TCF20: variants seen among roughly 807,000 people sequenced by gnomAD.
TCF20 encodes SPRE-binding protein.
In TCF20, 3 loss-of-function variants were observed where a neutral mutation model predicts 148.6. The observed-to-expected ratio is 0.02, with a 90% CI of 0.01 to 0.05. The LOEUF (loss-of-function observed/expected upper bound fraction) is 0.05. TCF20 is among the 10% of genes least tolerant of loss of function. TCF20 has a pLI of 1.00. For missense variants in TCF20, 2,350 were observed against 2,429.3 expected, an observed-to-expected ratio of 0.97 and a Z score of 0.69; for synonymous variants, 1,049 against 909.5, an observed-to-expected ratio of 1.15 and a Z score of -2.76.
intron 1 of TCF20, among the ~76,000 whole-genome samples, chr22:42,256,198 G>T (rs963702776): frequency 1.3e-5 from 2 of 152,108 alleles, no homozygotes; most frequent in Non-Finnish European, 2.9e-5. Flanking sequence ...CACTATTACA[G>T]CCTTATCAAT....
chr22:42,329,541 A>G (rs1470426205), intron 1 of TCF20, among the ~76,000 whole-genome samples: 1 of 152,240 alleles, frequency 6.6e-6, no homozygotes, highest in Non-Finnish European at 1.5e-5. Context: ...GGCTTTGTGC[A>G]GTGGTAACAG....
chr22:42,324,584 A>G (rs968576739), intron 1 of TCF20, among the ~76,000 whole-genome samples: 1 of 152,212 alleles, frequency 6.6e-6, no homozygotes, highest in African/African-American at 2.4e-5. Flanking sequence ...CATTGGAGAA[A>G]ATAATTTCCA....
At chr22:42,334,585 G>T (rs892656828) in intron 1 of TCF20, among the ~76,000 whole-genome samples, 1 of 152,248 alleles carries the variant, frequency 6.6e-6, no homozygotes, top group Non-Finnish European at 1.5e-5. Context: ...GTCAACAACC[G>T]CTCCAGCCCT....
At chr22:42,284,550 C>T (rs1176249421), upstream of TCF20, among the ~76,000 whole-genome samples, 2 of 152,210 alleles carry the variant, frequency 1.3e-5, no homozygotes, top group African/African-American at 2.4e-5. Flanking sequence ...AGCAAAGTGG[C>T]CCAGAGCCTG....
chr22:42,167,638 T>C (rs560475513), intron 5 of TCF20, among the ~76,000 whole-genome samples: 8 of 152,212 alleles, frequency 5.3e-5, no homozygotes, highest in African/African-American at 1.7e-4. Context: ...AGTCCTATCA[T>C]CCTGTTTTCA....
chr22:42,161,249 G>C lies in TCF20; in HGVS notation c.*154C>G. The C allele has an allele frequency of 1.3e-6, 2 of 1,544,524 alleles. No individual in the cohort carries two copies. The highest frequency in any genetic ancestry group is 1.8e-6 in the Non-Finnish European group (2 of 1,123,626). On this transcript the variant is annotated 3_prime_UTR_variant, in exon 6 of 6. Transcript: ENST00000677622. ...GAGAACTTAAGGAAGTGCTGGCATG[G>C]GCAGGCACGCGGGCGGGGCGGGGCG...
Position 42,212,344 on chromosome 22 carries a change from T to C in TCF20, c.2962A>G (p.Met988Val), listed in dbSNP as rs746474528. The C allele has an allele frequency of 9.3e-6, 15 of 1,614,092 alleles. No individual in the cohort carries two copies. Among genetic ancestry groups the C allele is most frequent in the African/African-American group, 2.7e-5 (2 of 74,936 alleles). Residue 988 changes from methionine (M) to valine (V), a missense_variant, in exon 2 of 6, where the codon ATG (methionine) becomes GTG (valine). Coordinates refer to ENST00000677622, the MANE Select transcript of TCF20 (RefSeq NM_001378418.1). The stretch of plus-strand genomic sequence containing the variant: ...CCAACTCTGCCAGGGACCCGCCGCA[T>C]TGGCGTGGGTCTGCTGTCTTGCGGG... ...YGPQDSRPTP[M>V]RRVPGRVGGR... is the part of the protein sequence containing the mutation.
At chr22:42,169,799 C>T (rs778147444) in intron 4 of TCF20, 48 bp downstream of exon 4, 3 of 1,604,540 alleles carry the variant, frequency 1.9e-6, no homozygotes, top group East Asian at 4.5e-5. Context: ...CAGGAGGAGC[C>T]ACCCTCGATC....
intron 1 of TCF20, among the ~76,000 whole-genome samples, chr22:42,322,291 G>A (rs933403359): frequency 6.6e-6 from 1 of 151,912 alleles, no homozygotes; most frequent in South Asian, 2.1e-4. Context: ...CTCAGAAGAT[G>A]TATAAGAGGA....
At chr22:42,199,095 A>G (rs188205588) in intron 2 of TCF20, among the ~76,000 whole-genome samples, 1 of 152,354 alleles carries the variant, frequency 6.6e-6, no homozygotes, top group East Asian at 1.9e-4. Flanking sequence ...TAGAAGAGTC[A>G]GATATGTTGG....
rs116942796 is a variant in TCF20, at chr22:42,280,682, C to T, written c.-37+3145G>A. ...AGACACGATGACCATCTCCATTTTA[C>T]AACTAGGGAAACTGAGGCTCAGATG... On this transcript the variant is annotated intron_variant, in intron 1 of 5. Transcript: ENST00000359486. Among the ~76,000 whole-genome samples, 7 of 152,342 alleles carry T rather than the reference C, an allele frequency of 4.6e-5. No individual in the cohort carries two copies. In the East Asian group the frequency reaches 1.3e-3, roughly 29 times the overall value.
At chr22:42,337,035 G>A (rs1928079528) in intron 1 of TCF20, among the ~76,000 whole-genome samples, 1 of 152,092 alleles carries the variant, frequency 6.6e-6, no homozygotes, top group Non-Finnish European at 1.5e-5. Context: ...CTGTGCCCTC[G>A]GGCCTGGCAC....
At chr22:42,324,132 G>T (rs1452638974) in intron 1 of TCF20, among the ~76,000 whole-genome samples, 176 of 145,460 alleles carry the variant, frequency 1.2e-3, no homozygotes, top group Middle Eastern at 3.5e-3. Flanking sequence ...TTATGGTGGT[G>T]GTGGTGGTGG....
chr22:42,327,099 G>C (rs1263547721), intron 1 of TCF20, among the ~76,000 whole-genome samples: 1 of 152,200 alleles, frequency 6.6e-6, no homozygotes, highest in Non-Finnish European at 1.5e-5. Context: ...TGAGGCGAGG[G>C]GCTATATCCC....
chr22:42,271,165 GA>G (rs1313601501), upstream of TCF20, among the ~76,000 whole-genome samples: 1 of 152,248 alleles, frequency 6.6e-6, no homozygotes, highest in Non-Finnish European at 1.5e-5. Flanking sequence ...GGCAGCCCAA[GA>G]CCTAGCTGGT....
intron 1 of TCF20, chr22:42,276,223 A>T (rs1043416748): frequency 6.6e-6 from 1 of 152,224 alleles, no homozygotes; most frequent in African/African-American, 2.4e-5. Flanking sequence ...CTAAGAATTC[A>T]AACCATGGAG....
In TCF20 at chr22:42,160,096, C is replaced by T. The variant is rs1479692687; in HGVS notation, c.*1307G>A. 1 of 152,240 alleles carries T rather than the reference C, an allele frequency of 6.6e-6. No individual in the cohort carries two copies. Among genetic ancestry groups the T allele is most frequent in the African/African-American group, 2.4e-5 (1 of 41,272 alleles). 9.4% of individuals were successfully genotyped at this position (152,240 alleles called of 1,614,324 possible). A position where few individuals can be genotyped will look rare whatever the true frequency, so the allele number is the denominator to read the frequency against. ...TTTTTAAATAAAACTGTTTGTGAAA[C>T]AGCTATTTTATCCCCATGGCAGAGT... On this transcript the variant is annotated 3_prime_UTR_variant, in exon 6 of 6. Coordinates refer to ENST00000677622, the MANE Select transcript of TCF20 (RefSeq NM_001378418.1).
At position 42,210,933 on chromosome 22, in the gene TCF20, T is replaced by C; in HGVS notation, c.4373A>G (p.Lys1458Arg). Reference protein sequence around the residue: ...ETHAETVTAGKEPPGAMTSTT... With the variant: ...ETHAETVTAGREPPGAMTSTT... ...GGATGTCATGGCACCAGGGGGTTCCTTTCCGGCAGTAACTGTTTCTGCATG... is the reference window on the plus strand; with the variant it reads ...GGATGTCATGGCACCAGGGGGTTCCCTTCCGGCAGTAACTGTTTCTGCATG... The change falls in exon 2 of 6, where the codon AAG becomes AGG. Residue 1458 changes from lysine to arginine, a missense_variant. This residue lies in a region of TCF20 where 231 missense variants were observed against 213.7 expected (regional missense o/e 1.08). Coordinates refer to ENST00000677622, the MANE Select transcript of TCF20 (RefSeq NM_001378418.1). The surrounding 1 kb of genome is among the most constrained non-coding windows in gnomAD (Gnocchi z 4.7). 6.2e-7 allele frequency: 1 copy of C among 1,614,194 alleles called. No individual in the cohort carries two copies. Among genetic ancestry groups the C allele is most frequent in the Non-Finnish European group, 8.5e-7 (1 of 1,180,044 alleles).
chr22:42,242,192 G>C (rs1251014347), intron 1 of TCF20, among the ~76,000 whole-genome samples: 4 of 68,096 alleles, frequency 5.9e-5, no homozygotes, highest in Non-Finnish European at 1.0e-4. Context: ...GACAGAGCGA[G>C]ACTTCGCCTC....
Sources: allele counts gnomAD v4.1 joint callset (sites outside exome capture counted in the v4.1 genomes callset), GRCh38; gene constraint gnomAD v4.1.1; regional missense constraint gnomAD v4.1.1; non-coding constraint Gnocchi (gnomAD v3.1); transcripts MANE v1.5; gene names NCBI Gene and HGNC (gene_info 2026-07-23, HGNC 2026-07-21).